TSHZ3: variants seen among roughly 807,000 people sequenced by gnomAD.
TSHZ3 encodes the protein teashirt homolog 3.
Under a neutral mutation model 64.5 loss-of-function variants are expected in TSHZ3, and 10 were observed. The observed-to-expected ratio is 0.16, with a 90% CI of 0.10 to 0.26. The LOEUF (loss-of-function observed/expected upper bound fraction) is 0.26, where lower values mean the gene tolerates loss of function less well. Ranked by LOEUF, TSHZ3 falls within the 10% of genes least tolerant of loss-of-function variation. TSHZ3 has a pLI of 1.00. For synonymous variants in TSHZ3, 608 were observed against 593.1 expected (o/e 1.03, Z -0.36); for missense variants, 1,242 against 1,421.7 (o/e 0.87, Z 2.03).
chr19:31,349,363 T>C lies in TSHZ3; in HGVS notation c.-144A>G. The C allele has an allele frequency of 1.5e-6, 1 of 660,470 alleles. No individual in the cohort carries two copies. Among genetic ancestry groups the C allele is most frequent in the East Asian group, 3.6e-5 (1 of 27,596 alleles). 40.9% of individuals were successfully genotyped at this position (660,470 alleles called of 1,614,324 possible). On this transcript the variant is annotated 5_prime_UTR_variant, in exon 1 of 2. Coordinates refer to ENST00000240587, the MANE Select transcript of TSHZ3 (RefSeq NM_020856.4). ...CGGAGAGCGGCCGCCCGCAGGATGCTGCTGCGCCCAGGCTCTCCGCGTCCC... is the reference window on the plus strand; with the variant it reads ...CGGAGAGCGGCCGCCCGCAGGATGCCGCTGCGCCCAGGCTCTCCGCGTCCC...
chr19:31,185,818 A>G (rs185559980), intron 5 of TSHZ3, among the ~76,000 whole-genome samples: 1 of 152,322 alleles, frequency 6.6e-6, no homozygotes, highest in Non-Finnish European at 1.5e-5. Context: ...TATCCTTCCC[A>G]GTCAGTGCCT....
chr19:31,324,138 C>G lies in TSHZ3; in HGVS notation c.40+25042G>C, dbSNP rs148907159. Among the ~76,000 whole-genome samples, 1,179 of 152,246 alleles carry G rather than the reference C, an allele frequency of 7.7e-3. 15 individuals are homozygous for G. The highest frequency in any genetic ancestry group is 0.012 in the Non-Finnish European group (817 of 68,032). The stretch of plus-strand genomic sequence containing the variant: ...CTCAAGGCTGTGCACACTGGGCCAG[C>G]CTACCATCAGTAGAGCAGGAAACCA... On this transcript the variant is annotated intron_variant, in intron 1 of 1. Coordinates refer to ENST00000240587, the MANE Select transcript of TSHZ3 (RefSeq NM_020856.4).
At chr19:31,320,306 G>A in intron 1 of TSHZ3, among the ~76,000 whole-genome samples, 1 of 152,140 alleles carries the variant, frequency 6.6e-6, no homozygotes, top group East Asian at 1.9e-4. Flanking sequence ...AGAAAAGACG[G>A]ATCCTGGACG....
intron 1 of TSHZ3, among the ~76,000 whole-genome samples, chr19:31,303,809 A>C (rs910091622): frequency 9.2e-5 from 14 of 152,192 alleles, no homozygotes; most frequent in Admixed American, 4.6e-4. Flanking sequence ...CATGGGTCTC[A>C]GAAAGACGGA....
chr19:31,325,859 A>C (rs1343145501), intron 1 of TSHZ3, among the ~76,000 whole-genome samples: 1 of 152,234 alleles, frequency 6.6e-6, no homozygotes, highest in African/African-American at 2.4e-5. Context: ...TCTGTGCAAC[A>C]AAATATGGTA....
In TSHZ3 at chr19:31,212,044, TTC is replaced by T. The variant is rs1321892950; in HGVS notation, n.687-6968_687-6967del. Among the ~76,000 whole-genome samples the T allele has an allele frequency of 8.6e-5, 13 of 152,008 alleles. No individual in the cohort carries two copies. In the East Asian group the frequency reaches 1.9e-3, roughly 23 times the overall value. On this transcript the variant is annotated intron_variant and non_coding_transcript_variant, in intron 4 of 6. Transcript: ENST00000651361. ...CTTGAGAGCACTTTTAAGCTTTTCT[TTC>T]TCTCTTTTTTTTTTTCTTTTTTGAT...
rs1976325398 is a variant in TSHZ3 at position 31,279,607 on chromosome 19, G to A, written c.186C>T (p.Ser62=). 7 of 1,612,196 alleles carry A rather than the reference G, an allele frequency of 4.3e-6. No individual in the cohort carries two copies. Among genetic ancestry groups the A allele is most frequent in the Non-Finnish European group, 5.9e-6 (7 of 1,178,934 alleles). Residue 62 remains serine, a synonymous_variant, in exon 2 of 2, where the codon TCC becomes TCT. Coordinates refer to ENST00000240587, the MANE Select transcript of TSHZ3 (RefSeq NM_020856.4). The surrounding 1 kb of genome is among the most constrained non-coding windows in gnomAD (Gnocchi z 6.4). Reference sequence around the variant, plus strand: ...CATGGCAGGAAAACTCGGCGGCCGGGGAGTTCTGGTAGCTGGGGCAGGCCC... The same window carrying A: ...CATGGCAGGAAAACTCGGCGGCCGGAGAGTTCTGGTAGCTGGGGCAGGCCC... The part of the protein sequence containing the change: ...LARACPSYQN[S]PAAEFSCHEM...
intron 5 of TSHZ3, among the ~76,000 whole-genome samples, chr19:31,168,523 C>A (rs746614472): frequency 6.6e-6 from 1 of 152,166 alleles, no homozygotes; most frequent in Non-Finnish European, 1.5e-5. Flanking sequence ...GAGAGCAAAG[C>A]GCCTGAATTC....
At chr19:31,193,781 A>G (rs1974947137) in intron 5 of TSHZ3, among the ~76,000 whole-genome samples, 3 of 152,208 alleles carry the variant, frequency 2.0e-5, no homozygotes, top group Non-Finnish European at 4.4e-5. Context: ...GAGAACAAAT[A>G]CTGTTATCAT....
intron 1 of TSHZ3, among the ~76,000 whole-genome samples, chr19:31,295,743 T>C (rs1303477964): frequency 6.6e-6 from 1 of 151,920 alleles, no homozygotes; most frequent in Non-Finnish European, 1.5e-5. Context: ...ATGCTGGCCT[T>C]TTTGTATGTT....
At chr19:31,292,254 C>T (rs957909403) in intron 1 of TSHZ3, among the ~76,000 whole-genome samples, 2 of 152,144 alleles carry the variant, frequency 1.3e-5, no homozygotes, top group African/African-American at 4.8e-5. Flanking sequence ...TGTGCTTGAC[C>T]TTCTCAAATT....
At chr19:31,195,950 G>T (rs1296444237) in intron 5 of TSHZ3, among the ~76,000 whole-genome samples, 4 of 151,916 alleles carry the variant, frequency 2.6e-5, no homozygotes, top group African/African-American at 9.7e-5. Context: ...TACAAATCTA[G>T]ATAGTATAGC....
chr19:31,337,720 A>AACACACACACACACAC (rs372251116), intron 1 of TSHZ3, among the ~76,000 whole-genome samples: 2,599 of 146,026 alleles, frequency 0.018, 70 homozygotes, highest in African/African-American at 0.052. Flanking sequence ...TTTCAAAATA[A>AACACACACACACACAC]ACACACACAC....
In TSHZ3 at chr19:31,337,720, AACACAC is replaced by A. The variant is rs372251116; in HGVS notation, c.40+11454_40+11459del. On this transcript the variant is annotated intron_variant, in intron 1 of 1. Transcript: ENST00000240587. ...CTGCGAATAAAGTTATTTCAAAATA[AACACAC>A]ACACACACACACACACACACACACA... Among the ~76,000 whole-genome samples the A allele has an allele frequency of 4.9e-3, 716 of 146,070 alleles. 4 individuals carry two copies. The highest frequency in any genetic ancestry group is 0.015 in the African/African-American group (588 of 39,518).
intron 1 of TSHZ3, among the ~76,000 whole-genome samples, chr19:31,299,069 C>T (rs1276965627): frequency 6.6e-6 from 1 of 152,164 alleles, no homozygotes; most frequent in Non-Finnish European, 1.5e-5. Context: ...GTAGCGGGCG[C>T]CTGTAGTCCC....
At chr19:31,343,528 G>T (rs1407445043) in intron 1 of TSHZ3, among the ~76,000 whole-genome samples, 2 of 152,084 alleles carry the variant, frequency 1.3e-5, no homozygotes, top group Non-Finnish European at 2.9e-5. Flanking sequence ...ATTTGGTCAA[G>T]GACACTCTGT....
chr19:31,251,917 G>T (rs1188927570), intron 1 of TSHZ3, among the ~76,000 whole-genome samples: 7 of 152,168 alleles, frequency 4.6e-5, no homozygotes, highest in Non-Finnish European at 1.0e-4. Flanking sequence ...TCTCAGCAGA[G>T]CTCCCCTCTG....
rs555521305 is a variant in TSHZ3, at chr19:31,205,199, G to T, written n.687-121C>A. 1.9e-4 allele frequency among the ~76,000 whole-genome samples: 29 copies of T among 152,122 alleles called. 1 individual carries two copies. The highest frequency in any genetic ancestry group is 6.2e-4 in the South Asian group (3 of 4,822). Reference sequence around the variant, plus strand: ...TCCCTGAGCAGCCACCCTTCACCAGGTTTGGGGCCAAGTGCCTTACACTTG... The same window carrying T: ...TCCCTGAGCAGCCACCCTTCACCAGTTTTGGGGCCAAGTGCCTTACACTTG... On this transcript the variant is annotated intron_variant and non_coding_transcript_variant, in intron 4 of 6. Coordinates refer to the TSHZ3 transcript ENST00000651361.
intron 1 of TSHZ3, among the ~76,000 whole-genome samples, chr19:31,320,255 C>A (rs1284064161): frequency 6.6e-6 from 1 of 152,082 alleles, no homozygotes. Context: ...AATGCGTGAC[C>A]CCCAAGCAAT....
Sources: allele counts gnomAD v4.1 joint callset (sites outside exome capture counted in the v4.1 genomes callset), GRCh38; gene constraint gnomAD v4.1.1; non-coding constraint Gnocchi (gnomAD v3.1); transcripts MANE v1.5; gene names NCBI Gene and HGNC (gene_info 2026-07-23, HGNC 2026-07-21).